Variants in ZNF343 observed in about 807,000 individuals in gnomAD.
ZNF343 encodes the protein zinc finger protein 343.
A neutral mutation model predicts 13.8 loss-of-function variants in ZNF343; 11 were observed. That is an observed-to-expected ratio of 0.80 (90% CI 0.50 to 1.32). ZNF343 has a LOEUF of 1.32. Among genes scored for constraint, ZNF343 ranks in the 40% most tolerant of loss-of-function variants. The pLI is 0.00. For synonymous variants in ZNF343, 248 were observed against 260.0 expected, an observed-to-expected ratio of 0.95 and a Z score of 0.44; for missense variants, 658 against 714.2, an observed-to-expected ratio of 0.92 and a Z score of 0.90.
intron 1 of ZNF343, among the ~76,000 whole-genome samples, chr20:2,504,376 G>A (rs552715460): frequency 3.3e-5 from 5 of 152,262 alleles, no homozygotes; most frequent in African/African-American, 9.6e-5. Context: ...GAGGTGCAAG[G>A]AGGAGCTGGT....
At chr20:2,520,433 G>A (rs1488731498) in intron 1 of ZNF343, among the ~76,000 whole-genome samples, 1 of 152,076 alleles carries the variant, frequency 6.6e-6, no homozygotes, top group Non-Finnish European at 1.5e-5. Context: ...AGAGGTTAGA[G>A]ATCAGCCTGG....
chr20:2,505,087 T>C (rs1316331855), intron 1 of ZNF343, among the ~76,000 whole-genome samples: 3 of 152,186 alleles, frequency 2.0e-5, no homozygotes, highest in South Asian at 4.1e-4. Flanking sequence ...CTTAAGCTGA[T>C]AGGCAACTTC....
upstream of ZNF343, among the ~76,000 whole-genome samples, chr20:2,512,040 T>C (rs1379115199): frequency 6.6e-6 from 1 of 152,190 alleles, no homozygotes; most frequent in Non-Finnish European, 1.5e-5. Context: ...TAACAAACGA[T>C]TTGAAAATAA....
At chr20:2,487,099 A>G (rs996734753) in intron 5 of ZNF343, among the ~76,000 whole-genome samples, 1 of 152,206 alleles carries the variant, frequency 6.6e-6, no homozygotes, top group Non-Finnish European at 1.5e-5. Context: ...ACTATGGAGT[A>G]TGGTCAAAGC....
At position 2,493,395 on chromosome 20, in the gene ZNF343, A is replaced by C. The variant is rs904897901; in HGVS notation, c.177+124T>G. On this transcript the variant is annotated intron_variant, in intron 4 of 5. Coordinates refer to ENST00000278772, the MANE Select transcript of ZNF343 (RefSeq NM_024325.6). ...TTGACAACTTTTTTCAAGAAAGCCT[A>C]ATGCTTCACTCATCTACCCAGATGT... 1.1e-5 allele frequency: 10 copies of C among 873,820 alleles called. No homozygotes were observed. In the African/African-American group the frequency reaches 1.7e-4, roughly 15 times the overall value. 54.1% of individuals were successfully genotyped at this position (873,820 alleles called of 1,614,324 possible).
chr20:2,488,543 T>A (rs1342764614), intron 5 of ZNF343, among the ~76,000 whole-genome samples: 1 of 152,172 alleles, frequency 6.6e-6, no homozygotes, highest in South Asian at 2.1e-4. Flanking sequence ...AAAGGACACA[T>A]TTTAATTCTA....
At chr20:2,512,657 A>G (rs950875521), upstream of ZNF343, among the ~76,000 whole-genome samples, 2 of 152,350 alleles carry the variant, frequency 1.3e-5, no homozygotes, top group Middle Eastern at 3.4e-3. Flanking sequence ...GTATACAAAA[A>G]TTAACTCAAA....
intron 1 of ZNF343, among the ~76,000 whole-genome samples, chr20:2,507,218 C>T (rs1159380667): frequency 6.7e-6 from 1 of 149,088 alleles, no homozygotes; most frequent in African/African-American, 2.5e-5. Flanking sequence ...GAGCCGAGAT[C>T]GCGCCACTGC....
intron 5 of ZNF343, among the ~76,000 whole-genome samples, chr20:2,490,334 A>G (rs2085346552): frequency 6.6e-6 from 1 of 152,168 alleles, no homozygotes; most frequent in Non-Finnish European, 1.5e-5. Context: ...AGAGAAAAGA[A>G]AAAGAAGGAA....
intron 5 of ZNF343, among the ~76,000 whole-genome samples, chr20:2,488,495 T>A (rs2085316403): frequency 6.6e-6 from 1 of 152,114 alleles, no homozygotes; most frequent in Non-Finnish European, 1.5e-5. Context: ...AGCACCACAA[T>A]GTTTTCTTTC....
rs762684515 is a variant in ZNF343 at position 2,493,767 on chromosome 20, A to G, written c.118+11T>C. 1 of 1,602,038 alleles carries G rather than the reference A, an allele frequency of 6.2e-7. No individual in the cohort carries two copies. Among genetic ancestry groups the G allele is most frequent in the Non-Finnish European group, 8.5e-7 (1 of 1,169,646 alleles). ...CCTCTTCATCCCTCCGGCTCCCTCAACAATTCTCACCTTTCGCTTTATGAT... is the reference window on the plus strand; with the variant it reads ...CCTCTTCATCCCTCCGGCTCCCTCAGCAATTCTCACCTTTCGCTTTATGAT... On this transcript the variant is annotated intron_variant, in intron 3 of 5. Coordinates refer to ENST00000278772, the MANE Select transcript of ZNF343 (RefSeq NM_024325.6).
chr20:2,507,752 A>G (rs1245547145), intron 1 of ZNF343, among the ~76,000 whole-genome samples: 1 of 152,154 alleles, frequency 6.6e-6, no homozygotes. Flanking sequence ...GAGTTAACAA[A>G]TGTGGAATCT....
intron 1 of ZNF343, among the ~76,000 whole-genome samples, chr20:2,522,768 G>A (rs1169961686): frequency 6.6e-6 from 1 of 152,220 alleles, no homozygotes; most frequent in Non-Finnish European, 1.5e-5. Context: ...GGGCAACATG[G>A]CAAAACCCTG....
At chr20:2,517,197 G>A (rs889410135) in intron 1 of ZNF343, among the ~76,000 whole-genome samples, 3 of 152,112 alleles carry the variant, frequency 2.0e-5, no homozygotes, top group Non-Finnish European at 2.9e-5. Context: ...TATGTCAAAC[G>A]AGCTCAGAAT....
chr20:2,509,778 G>A (rs979699960), upstream of ZNF343, among the ~76,000 whole-genome samples: 1 of 152,236 alleles, frequency 6.6e-6, no homozygotes, highest in Non-Finnish European at 1.5e-5. Flanking sequence ...CAGCTCATAG[G>A]AGGCGCGTTT....
rs375964172 is a variant in ZNF343 at position 2,502,650 on chromosome 20, C to T, written c.-236-1908G>A. Among the ~76,000 whole-genome samples the T allele has an allele frequency of 8.3e-3, 1,260 of 152,158 alleles. 6 individuals are homozygous for T. Among genetic ancestry groups the T allele is most frequent in the African/African-American group, 0.015 (608 of 41,516 alleles). ...TCTACAAGCCAGAAGAGAGTGGGGG[C>T]CAATATTCAACATTCTTAAAGAAAA... On this transcript the variant is annotated intron_variant, in intron 1 of 5. Coordinates refer to ENST00000278772, the MANE Select transcript of ZNF343 (RefSeq NM_024325.6).
At chr20:2,494,701 C>T (rs976810823) in intron 2 of ZNF343, among the ~76,000 whole-genome samples, 1 of 151,126 alleles carries the variant, frequency 6.6e-6, no homozygotes, top group African/African-American at 2.4e-5. Context: ...CTCGGGAAGT[C>T]GAGGCTGCAG....
intron 1 of ZNF343, among the ~76,000 whole-genome samples, chr20:2,505,258 A>C (rs2085636361): frequency 6.6e-6 from 1 of 152,196 alleles, no homozygotes; most frequent in African/African-American, 2.4e-5. Flanking sequence ...GACGTGAAGG[A>C]CCTCTTCAAG....
intron 1 of ZNF343, among the ~76,000 whole-genome samples, chr20:2,520,253 A>C (rs1482805900): frequency 6.6e-6 from 1 of 152,148 alleles, no homozygotes; most frequent in East Asian, 1.9e-4. Flanking sequence ...ATATACTATG[A>C]AGTTTATATA....
Sources: allele counts gnomAD v4.1 joint callset (sites outside exome capture counted in the v4.1 genomes callset), GRCh38; gene constraint gnomAD v4.1.1; transcripts MANE v1.5; gene names NCBI Gene and HGNC (gene_info 2026-07-23, HGNC 2026-07-21).